The following CRHR2 variants were observed in gnomAD, a reference collection of about 807,000 sequenced individuals.
The protein encoded by CRHR2 is corticotropin-releasing hormone receptor 2.
Under a neutral mutation model 57.9 loss-of-function variants are expected in CRHR2, and 53 were observed. That is an observed-to-expected ratio of 0.92 (90% confidence interval 0.73 to 1.15). The LOEUF (loss-of-function observed/expected upper bound fraction) is 1.15, where lower values mean the gene tolerates loss of function less well. Ranked by LOEUF, CRHR2 falls within the 50% of genes most tolerant of loss-of-function variation. The pLI is 0.00. For synonymous variants in CRHR2, 213 were observed against 220.9 expected (o/e 0.96, Z 0.32); for missense variants, 532 against 542.6 (o/e 0.98, Z 0.19).
intron 5 of CRHR2, among the ~76,000 whole-genome samples, chr7:30,663,560 C>T (rs941528329): frequency 6.6e-5 from 10 of 152,184 alleles, no homozygotes; most frequent in African/African-American, 2.2e-4. Context: ...GCTGTGGTTC[C>T]GTGCCTTCCC....
chr7:30,682,611 G>C (rs1293789219), upstream of CRHR2: 12 of 761,366 alleles, frequency 1.6e-5, no homozygotes, highest in East Asian at 7.3e-5. Flanking sequence ...CCCAAAGTAC[G>C]GCTTCTCAGT....
Position 30,665,560 on chromosome 7 carries a change from AC to A in CRHR2, c.394del (p.Val132TrpfsTer19). On this transcript the variant is annotated frameshift_variant, in exon 4 of 12. Coordinates refer to ENST00000471646, the MANE Select transcript of CRHR2 (RefSeq NM_001883.5). LOFTEE classifies it high-confidence loss of function. This position sits in a 1 kb window ranked among gnomAD's most constrained non-coding sequence, Gnocchi z 4.5. ...LGHCVSVAAL[V>X]AAFLLFLALR... ...GGCCAGGAAAAGCAGGAAGGCGGCC[AC>A]CAGGGCTGCCACAGATACGCAGTGG... 1 of 1,562,978 alleles carries A rather than the reference AC, an allele frequency of 6.4e-7. No homozygotes were observed. The highest frequency in any genetic ancestry group is 8.7e-7 in the Non-Finnish European group (1 of 1,152,816).
chr7:30,653,684 C>G lies in CRHR2; in HGVS notation c.1096-84G>C. ...CATCCCCTCCTCTGCTTTCTGCTCT[C>G]ATGGGTCGACTGCCACCCTCATGAC... On this transcript the variant is annotated intron_variant, in intron 11 of 11. Transcript: ENST00000471646. This position sits in a 1 kb window ranked among gnomAD's most constrained non-coding sequence, Gnocchi z 5.0. 6.8e-7 allele frequency: 1 copy of G among 1,467,764 alleles called. No individual in the cohort carries two copies. The highest frequency in any genetic ancestry group is 9.0e-7 in the Non-Finnish European group (1 of 1,108,846). 90.9% of individuals were successfully genotyped at this position (1,467,764 alleles called of 1,614,324 possible).
At chr7:30,654,848 CT>C in intron 11 of CRHR2, 190 bp downstream of exon 11, 1 of 1,545,726 alleles carries the variant, frequency 6.5e-7, no homozygotes, top group Non-Finnish European at 8.7e-7. Flanking sequence ...TATTTCGGGG[CT>C]GCATAGTTGA....
At position 30,662,206 on chromosome 7, in the gene CRHR2, G is replaced by T. The variant is rs1260319688; in HGVS notation, c.708C>A (p.Phe236Leu). The stretch of plus-strand genomic sequence containing the variant: ...CGATGGCCCAGGCGACGATGATGGG[G>T]AAGGGGATGCCTGAAAGAAGGAAAG... ...LFLFIGWCIP[F>L]PIIVAWAIGK... The change falls in exon 7 of 12, where the codon TTC becomes TTA. Residue 236 changes from phenylalanine to leucine, a missense_variant. By Grantham distance (22) the Phe-to-Leu change is conservative. Coordinates refer to ENST00000471646, the MANE Select transcript of CRHR2 (RefSeq NM_001883.5). 6.2e-7 allele frequency: 1 copy of T among 1,614,188 alleles called. No homozygotes were observed. Among genetic ancestry groups the T allele is most frequent in the South Asian group, 1.1e-5 (1 of 91,086 alleles).
At position 30,665,451 on chromosome 7, in the gene CRHR2, G is replaced by T; in HGVS notation, c.425+79C>A. Reference sequence around the variant, plus strand: ...TTATCTGCTGGGCCCCAGAATGGAGGTGAGAATGTCTGGGAGAGGTGAAGG... The same window carrying T: ...TTATCTGCTGGGCCCCAGAATGGAGTTGAGAATGTCTGGGAGAGGTGAAGG... On this transcript the variant is annotated intron_variant, in intron 4 of 11. Coordinates refer to ENST00000471646, the MANE Select transcript of CRHR2 (RefSeq NM_001883.5). This position sits in a 1 kb window ranked among gnomAD's most constrained non-coding sequence, Gnocchi z 4.5. 2 of 1,247,860 alleles carry T rather than the reference G, an allele frequency of 1.6e-6. No homozygotes were observed. The highest frequency in any genetic ancestry group is 2.3e-6 in the Non-Finnish European group (2 of 878,766). The allele number at this position is 1,247,860 out of a possible 1,614,324, so 77.3% of individuals were successfully genotyped here.
upstream of CRHR2, among the ~76,000 whole-genome samples, chr7:30,685,175 C>G (rs1351964493): frequency 1.3e-5 from 2 of 152,310 alleles, no homozygotes; most frequent in African/African-American, 4.8e-5. Flanking sequence ...CATGGCCCAC[C>G]TCTGATGTCA....
intron 2 of CRHR2, among the ~76,000 whole-genome samples, chr7:30,677,113 G>A (rs929473875): frequency 6.6e-6 from 1 of 152,166 alleles, no homozygotes; most frequent in African/African-American, 2.4e-5. Flanking sequence ...GCAGGAGGAG[G>A]GCAGATAGAA....
intron 2 of CRHR2, among the ~76,000 whole-genome samples, chr7:30,673,174 G>T (rs1784417897): frequency 6.6e-6 from 1 of 151,790 alleles, no homozygotes; most frequent in Non-Finnish European, 1.5e-5. Context: ...GCCTAGTTGA[G>T]AAATCTTTGA....
rs1784369749 is a variant in CRHR2 at position 30,671,843 on chromosome 7, A to ATAATG, written c.230-4531_230-4530insCATTA. 1.4e-4 allele frequency among the ~76,000 whole-genome samples: 14 copies of ATAATG among 100,854 alleles called. No homozygotes were observed. The Middle Eastern group carries it at 0.019, about 136-fold the overall frequency. 66.2% of individuals were successfully genotyped at this position (100,854 alleles called of 152,430 possible). ...TGATGATGATGATGATGATGATGAT[A>ATAATG]ATGATGATGATGATAGAAGAAGAAG... is the stretch of plus-strand genomic sequence containing the variant. On this transcript the variant is annotated intron_variant, in intron 2 of 11. Coordinates refer to ENST00000471646, the MANE Select transcript of CRHR2 (RefSeq NM_001883.5).
chr7:30,662,084 G>T lies in CRHR2; in HGVS notation c.758+72C>A, dbSNP rs182543565. The T allele has an allele frequency of 4.5e-6, 7 of 1,539,480 alleles. No homozygotes were observed. The East Asian group carries it at 1.6e-4, about 35-fold the overall frequency. On this transcript the variant is annotated intron_variant, in intron 7 of 11. Coordinates refer to ENST00000471646, the MANE Select transcript of CRHR2 (RefSeq NM_001883.5). ...ATTCCTGCTCCACGGCTTGGCCAGA[G>T]CCCAAGGCTGACCTGTCCTAACACC...
chr7:30,699,912 C>T, intron 1 of CRHR2: 1 of 1,488,410 alleles, frequency 6.7e-7, no homozygotes, highest in South Asian at 1.3e-5. Context: ...TCCTGGCGCC[C>T]CACCTCGTGG....
rs1243442074 is a variant in CRHR2 at position 30,662,144 on chromosome 7, C to G, written c.758+12G>C. On this transcript the variant is annotated intron_variant, in intron 7 of 11. Coordinates refer to ENST00000471646, the MANE Select transcript of CRHR2 (RefSeq NM_001883.5). ...TTCCCCATGACCCCCCATGGCTGGC[C>G]CATCCACTTACTGTTCATTCTCATA... The G allele has an allele frequency of 6.2e-7, 1 of 1,613,854 alleles. No homozygotes were observed. The highest frequency in any genetic ancestry group is 1.3e-5 in the African/African-American group (1 of 75,024).
chr7:30,654,620 C>G (rs377333194), intron 11 of CRHR2: 4 of 1,476,840 alleles, frequency 2.7e-6, no homozygotes, highest in Admixed American at 4.0e-5. Flanking sequence ...AGAGCCTGCT[C>G]TTGGTGTGTG....
intron 1 of CRHR2, among the ~76,000 whole-genome samples, chr7:30,695,973 G>A (rs1412837817): frequency 6.6e-6 from 1 of 152,174 alleles, no homozygotes; most frequent in East Asian, 1.9e-4. Context: ...CTGTAGGGCT[G>A]CTAAGTAAAA....
intron 2 of CRHR2, among the ~76,000 whole-genome samples, chr7:30,668,551 G>A (rs1221073665): frequency 1.3e-5 from 2 of 152,166 alleles, no homozygotes; most frequent in Non-Finnish European, 2.9e-5. Context: ...GCTGGAGGGG[G>A]AACCTTAGGT....
chr7:30,654,987 G>A, intron 11 of CRHR2, 52 bp downstream of exon 11: 2 of 1,599,288 alleles, frequency 1.3e-6, no homozygotes, highest in African/African-American at 1.3e-5. Context: ...GCCCTGGAGT[G>A]GGGTCTGAGG....
upstream of CRHR2, among the ~76,000 whole-genome samples, chr7:30,687,342 C>T (rs371347645): frequency 5.3e-5 from 8 of 151,602 alleles, no homozygotes; most frequent in East Asian, 7.8e-4. Flanking sequence ...ACAAGCGATG[C>T]GGTGGTTGAA....
chr7:30,694,020 G>A (rs1032119086), intron 1 of CRHR2, among the ~76,000 whole-genome samples: 1 of 152,214 alleles, frequency 6.6e-6, no homozygotes, highest in South Asian at 2.1e-4. Context: ...ACTGACTGTA[G>A]GCTGTGGGAG....
Sources: allele counts gnomAD v4.1 joint callset (sites outside exome capture counted in the v4.1 genomes callset), GRCh38; gene constraint gnomAD v4.1.1; non-coding constraint Gnocchi (gnomAD v3.1); transcripts MANE v1.5; gene names NCBI Gene and HGNC (gene_info 2026-07-23, HGNC 2026-07-21).